The following DAW1 variants were observed in gnomAD, a reference collection of about 807,000 sequenced individuals.
DAW1 encodes the protein dynein assembly factor with WD repeat domains 1.
DAW1 carries 47 observed loss-of-function variants against 56.5 expected under a neutral mutation model. The observed-to-expected ratio is 0.83, with a 90% CI of 0.66 to 1.06. The LOEUF is 1.06. DAW1 is among the 50% of genes least tolerant of loss of function. The pLI, the probability that DAW1 is intolerant of heterozygous loss-of-function variation, is 0.00. For missense variants in DAW1, 505 were observed against 499.3 expected (o/e 1.01, Z -0.11); for synonymous variants, 190 against 179.0 (o/e 1.06, Z -0.49).
intron 10 of DAW1, among the ~76,000 whole-genome samples, chr2:227,914,236 C>T (rs1691898387): frequency 6.6e-6 from 1 of 151,964 alleles, no homozygotes. Flanking sequence ...TGAGGATTAT[C>T]TTATATTTTG....
intron 12 of DAW1, 76 bp from the exon 13 acceptor site, chr2:227,923,858 A>T: frequency 1.3e-6 from 2 of 1,570,708 alleles, no homozygotes; most frequent in Non-Finnish European, 1.7e-6. Flanking sequence ...GGCCCAGAAA[A>T]TGTCAACTTG....
At chr2:227,894,376 A>G (rs1490846593) in intron 5 of DAW1, among the ~76,000 whole-genome samples, 1 of 152,092 alleles carries the variant, frequency 6.6e-6, no homozygotes, top group African/African-American at 2.4e-5. Context: ...AGATCGCACC[A>G]TTGCACTCCA....
At chr2:227,923,628 G>C (rs1444898692) in intron 12 of DAW1, among the ~76,000 whole-genome samples, 1 of 152,134 alleles carries the variant, frequency 6.6e-6, no homozygotes, top group East Asian at 1.9e-4. Context: ...GGACGGCAGA[G>C]GGGATGGCTG....
chr2:227,875,703 C>T (rs952574646), intron 1 of DAW1, among the ~76,000 whole-genome samples: 10 of 152,134 alleles, frequency 6.6e-5, no homozygotes, highest in African/African-American at 2.4e-4. Context: ...TTTCACAGCC[C>T]CTTTCCCTGG....
intron 3 of DAW1, 144 bp from the exon 4 acceptor site, chr2:227,891,111 A>C: frequency 2.9e-6 from 2 of 686,276 alleles, no homozygotes; most frequent in South Asian, 3.9e-5. Flanking sequence ...AAGATGCCAC[A>C]TAGCACTGTC....
intron 10 of DAW1, among the ~76,000 whole-genome samples, chr2:227,915,669 G>A (rs768702569): frequency 3.5e-4 from 53 of 152,184 alleles, no homozygotes; most frequent in Admixed American, 6.5e-4. Flanking sequence ...ACTAGACTCT[G>A]TTTTGGTCTT....
intron 6 of DAW1, among the ~76,000 whole-genome samples, chr2:227,900,656 C>T (rs1691519115): frequency 6.6e-6 from 1 of 152,118 alleles, no homozygotes; most frequent in Admixed American, 6.5e-5. Context: ...TGAGAAGAGG[C>T]ATGCAACAGT....
At chr2:227,917,134 ATCTATCTATCTG>A (rs1309388338) in intron 10 of DAW1, among the ~76,000 whole-genome samples, 1,634 of 137,094 alleles carry the variant, frequency 0.012, 26 homozygotes, top group African/African-American at 0.043. Context: ...CTATCTATCT[ATCTATCTATCTG>A]TCTGTCTGTC....
intron 6 of DAW1, among the ~76,000 whole-genome samples, chr2:227,902,292 G>A (rs922360702): frequency 3.3e-5 from 5 of 152,116 alleles, no homozygotes; most frequent in African/African-American, 1.2e-4. Context: ...CAGTTGGTAC[G>A]GAAGGTGCAT....
rs547261062 is a variant in DAW1 at position 227,895,314 on chromosome 2, A to C, written c.440+1397A>C. On this transcript the variant is annotated intron_variant, in intron 5 of 12. Transcript: ENST00000309931. ...ATAAATATATATTTATATCTAATGG[A>C]ATATACCTTTTTTAGACAAGCAAGT... 4.1e-4 allele frequency among the ~76,000 whole-genome samples: 62 copies of C among 152,314 alleles called. 2 individuals are homozygous for C. In the South Asian group the frequency reaches 0.013, roughly 32 times the overall value.
chr2:227,918,420 G>T (rs1721354), intron 10 of DAW1, among the ~76,000 whole-genome samples: 2,188 of 152,296 alleles, frequency 0.014, 24 homozygotes, highest in Middle Eastern at 0.027. Context: ...CACACCTAGT[G>T]TATCATGCTG....
chr2:227,912,199 T>C (rs936216894), intron 10 of DAW1: 1 of 380,768 alleles, frequency 2.6e-6, no homozygotes, highest in Non-Finnish European at 5.1e-6. Flanking sequence ...TCAACATGTA[T>C]GATGTTATGC....
At chr2:227,901,396 G>T (rs1355015167) in intron 6 of DAW1, among the ~76,000 whole-genome samples, 1 of 152,118 alleles carries the variant, frequency 6.6e-6, no homozygotes, top group Non-Finnish European at 1.5e-5. Flanking sequence ...TTTAACAGTT[G>T]GCTCTTTGGG....
At chr2:227,920,083 T>C (rs1207688592) in intron 11 of DAW1, among the ~76,000 whole-genome samples, 1 of 152,178 alleles carries the variant, frequency 6.6e-6, no homozygotes, top group East Asian at 1.9e-4. Context: ...GGCCCATGTT[T>C]CTGAGTGTCT....
In DAW1 at chr2:227,898,235, A is replaced by G; in HGVS notation, c.494A>G (p.Glu165Gly). 1.3e-6 allele frequency: 2 copies of G among 1,578,608 alleles called. No homozygotes were observed. The highest frequency in any genetic ancestry group is 2.7e-5 in the African/African-American group (2 of 74,576). ...FDKTCKLWSV[E>G]TGKCYHTFRG... The stretch of plus-strand genomic sequence containing the variant: ...AAAACTTGTAAACTCTGGAGTGTGG[A>G]AACAGGAAAATGTTACCATACCTTC... The change falls in exon 6 of 13, where the codon GAA becomes GGA. Residue 165 changes from glutamate (E) to glycine (G), a missense_variant. Physicochemically the swap from Glu to Gly is moderately conservative, Grantham distance 98 (BLOSUM62 -2). Transcript: ENST00000309931.
At position 227,906,240 on chromosome 2, in the gene DAW1, G is replaced by T; in HGVS notation, c.760G>T (p.Val254Leu). The change falls in exon 9 of 13, where the codon GTA (valine) becomes TTA (leucine). Residue 254 changes from valine (V) to leucine (L), a missense_variant. Coordinates refer to ENST00000309931, the MANE Select transcript of DAW1 (RefSeq NM_178821.3). ...TTAATTATTTTTGTGTTGTAGGAAG[G>T]TAAATATCTTAATTGGTCATTGTGC... ...VVWDADTGRK[V>L]NILIGHCAEI... 6.2e-7 allele frequency: 1 copy of T among 1,610,326 alleles called. No homozygotes were observed. Among genetic ancestry groups the T allele is most frequent in the East Asian group, 2.2e-5 (1 of 44,790 alleles).
At chr2:227,879,032 C>T (rs1052048124) in intron 1 of DAW1, among the ~76,000 whole-genome samples, 4 of 151,986 alleles carry the variant, frequency 2.6e-5, no homozygotes, top group East Asian at 1.9e-4. Flanking sequence ...GTGACCTGCC[C>T]GCCTCGGCCT....
intron 10 of DAW1, among the ~76,000 whole-genome samples, chr2:227,910,084 C>A (rs1035590616): frequency 6.6e-6 from 1 of 152,058 alleles, no homozygotes; most frequent in Non-Finnish European, 1.5e-5. Context: ...GTTATGCGTA[C>A]CTTATTCTTT....
intron 10 of DAW1, among the ~76,000 whole-genome samples, 175 bp from the exon 11 acceptor site, chr2:227,918,605 A>T (rs1048623654): frequency 1.3e-5 from 2 of 152,274 alleles, no homozygotes; most frequent in African/African-American, 4.8e-5. Flanking sequence ...CTCTCCTGCA[A>T]TGGGACCAGC....
Sources: allele counts gnomAD v4.1 joint callset (sites outside exome capture counted in the v4.1 genomes callset), GRCh38; gene constraint gnomAD v4.1.1; transcripts MANE v1.5; gene names NCBI Gene and HGNC (gene_info 2026-07-23, HGNC 2026-07-21).